The following CORO2B variants were observed in gnomAD, a reference collection of about 807,000 sequenced individuals.
The protein encoded by CORO2B is coronin-2B.
In CORO2B, 26 loss-of-function variants were observed where a neutral mutation model predicts 58.8. The ratio of observed to expected loss-of-function variants is 0.44; its 90% CI spans 0.32 to 0.61. The LOEUF (loss-of-function observed/expected upper bound fraction) is 0.61. CORO2B is among the 20% of genes least tolerant of loss of function. The probability of loss-of-function intolerance (pLI) is 0.04; values close to 1 mark genes in which losing one functional copy is unlikely to be tolerated. For synonymous variants in CORO2B, 242 were observed against 253.8 expected, an observed-to-expected ratio of 0.95 and a Z score of 0.44; for missense variants, 460 against 645.1, an observed-to-expected ratio of 0.71 and a Z score of 3.11.
At chr15:68,540,425 G>C in the CORO2B span, among the ~76,000 whole-genome samples, 1 of 152,238 alleles carries the variant, frequency 6.6e-6, no homozygotes, top group African/African-American at 2.4e-5. Flanking sequence ...TTTCCTTGAA[G>C]TGGTGGGCTC....
intron 1 of CORO2B, among the ~76,000 whole-genome samples, chr15:68,590,388 T>G (rs17343452): frequency 0.5 from 76,309 of 151,894 alleles, 19,636 homozygotes; most frequent in East Asian, 0.77. Flanking sequence ...ACTTCTGTTC[T>G]CTCAGGTACC....
intron 1 of CORO2B, among the ~76,000 whole-genome samples, chr15:68,631,691 T>G (rs8024177): frequency 0.42 from 63,300 of 152,094 alleles, 15,567 homozygotes; most frequent in African/African-American, 0.69. Flanking sequence ...ACACACCAGG[T>G]GCCAGGGGGC....
chr15:68,566,179 A>G, the CORO2B span, among the ~76,000 whole-genome samples: 1 of 152,186 alleles, frequency 6.6e-6, no homozygotes, highest in Non-Finnish European at 1.5e-5. Context: ...ATAACATGGT[A>G]GGGTCCTGTT....
intron 1 of CORO2B, among the ~76,000 whole-genome samples, chr15:68,635,547 C>T (rs774332337): frequency 1.1e-4 from 17 of 152,114 alleles, no homozygotes; most frequent in Non-Finnish European, 1.8e-4. Flanking sequence ...CAGTGTGGAC[C>T]GGTCATCCAG....
At chr15:68,579,859 A>G (rs1566976820) in intron 1 of CORO2B, among the ~76,000 whole-genome samples, 1 of 152,140 alleles carries the variant, frequency 6.6e-6, no homozygotes, top group Non-Finnish European at 1.5e-5. Flanking sequence ...TGGGGAGGGA[A>G]TGTGACAGGG....
chr15:68,587,834 C>G (rs542524875), intron 1 of CORO2B, among the ~76,000 whole-genome samples: 1 of 152,344 alleles, frequency 6.6e-6, no homozygotes, highest in South Asian at 2.1e-4. Flanking sequence ...CACAGCCAGT[C>G]AGGGACTCAG....
chr15:68,627,771 G>C (rs893635951), intron 1 of CORO2B, among the ~76,000 whole-genome samples: 1 of 152,022 alleles, frequency 6.6e-6, no homozygotes, highest in African/African-American at 2.4e-5. Context: ...ATCTCCCTCT[G>C]TCTGCTTACC....
At chr15:68,518,618 C>A in the CORO2B span, among the ~76,000 whole-genome samples, 1 of 152,312 alleles carries the variant, frequency 6.6e-6, no homozygotes, top group South Asian at 2.1e-4. Flanking sequence ...CAGCACTGCA[C>A]CCTTGCTGCC....
chr15:68,585,110 A>G (rs892198769), intron 1 of CORO2B, among the ~76,000 whole-genome samples: 1 of 152,178 alleles, frequency 6.6e-6, no homozygotes, highest in Non-Finnish European at 1.5e-5. Context: ...GGAGGCTCCC[A>G]GGTTTGCTCA....
chr15:68,546,665 AAATGAATG>A, the CORO2B span, among the ~76,000 whole-genome samples: 1 of 152,198 alleles, frequency 6.6e-6, no homozygotes, highest in African/African-American at 2.4e-5. Context: ...AATAGTTACT[AAATGAATG>A]AATGAATGAG....
chr15:68,586,572 A>G (rs1189204677), intron 1 of CORO2B, among the ~76,000 whole-genome samples: 3 of 152,190 alleles, frequency 2.0e-5, no homozygotes, highest in African/African-American at 7.2e-5. Context: ...GAGTGACATC[A>G]TGGCATAGGT....
intron 1 of CORO2B, among the ~76,000 whole-genome samples, chr15:68,600,183 C>T (rs981126146): frequency 6.6e-6 from 1 of 152,240 alleles, no homozygotes; most frequent in Non-Finnish European, 1.5e-5. Context: ...AAAAACCACA[C>T]ACACAGCACA....
chr15:68,723,679 C>T (rs912717834), intron 11 of CORO2B, among the ~76,000 whole-genome samples: 11 of 151,986 alleles, frequency 7.2e-5, no homozygotes, highest in Non-Finnish European at 1.2e-4. Context: ...ATCTTGAACT[C>T]CTGACCTCGT....
chr15:68,719,562 G>A lies in CORO2B; in HGVS notation c.1311+10G>A. 6.2e-7 allele frequency: 1 copy of A among 1,610,562 alleles called. No homozygotes were observed. The highest frequency in any genetic ancestry group is 1.1e-5 in the South Asian group (1 of 90,498). ...CAGGACAGAGAATGAGGTAAGGAAT[G>A]TAAGTTATTACCTCCACAGGCCCTG... On this transcript the variant is annotated intron_variant, in intron 11 of 11. Transcript: ENST00000261861.
chr15:68,637,999 G>A (rs571994143), intron 1 of CORO2B, among the ~76,000 whole-genome samples: 2 of 152,308 alleles, frequency 1.3e-5, no homozygotes, highest in African/African-American at 4.8e-5. Flanking sequence ...GATTATCTCA[G>A]AGGGGAGAAA....
chr15:68,612,553 A>G (rs910003592), intron 1 of CORO2B, among the ~76,000 whole-genome samples: 2 of 152,178 alleles, frequency 1.3e-5, no homozygotes, highest in Non-Finnish European at 2.9e-5. Flanking sequence ...TTGTTTGGTA[A>G]GATTTTTCAT....
At chr15:68,621,133 A>G (rs1286592105) in intron 1 of CORO2B, among the ~76,000 whole-genome samples, 1 of 152,212 alleles carries the variant, frequency 6.6e-6, no homozygotes, top group Non-Finnish European at 1.5e-5. Flanking sequence ...CTGCCAGTGC[A>G]GGTGTAGGGA....
At chr15:68,698,037 C>A (rs1220103866) in intron 3 of CORO2B, among the ~76,000 whole-genome samples, 1 of 152,128 alleles carries the variant, frequency 6.6e-6, no homozygotes. Flanking sequence ...GAACTCAGGG[C>A]TGCTCCTCTA....
intron 1 of CORO2B, among the ~76,000 whole-genome samples, chr15:68,605,725 T>TG (rs1213419780): frequency 1.4e-5 from 2 of 138,926 alleles, no homozygotes; most frequent in African/African-American, 5.4e-5. Flanking sequence ...TTTTTTTTTT[T>TG]TTTTTTTTTT....
Sources: gnomAD v4.1 joint callset for allele counts (sites outside exome capture counted in the v4.1 genomes callset) on GRCh38, gnomAD v4.1.1 for gene constraint, MANE v1.5 for transcripts, NCBI Gene and HGNC (gene_info 2026-07-23, HGNC 2026-07-21) for gene names.